ROBO2: variants seen among roughly 807,000 people sequenced by gnomAD.
ROBO2 encodes roundabout homolog 2.
Under a neutral mutation model 160.8 loss-of-function variants are expected in ROBO2, and 53 were observed. That is an observed-to-expected ratio of 0.33 (90% CI 0.26 to 0.41). ROBO2 has a LOEUF of 0.41. Among genes scored for constraint, ROBO2 ranks in the 10% least tolerant of loss-of-function variants. ROBO2 has a pLI of 1.00. For missense variants in ROBO2, 1,577 were observed against 1,722.4 expected, an observed-to-expected ratio of 0.92 and a Z score of 1.49; for synonymous variants, 664 against 611.7, an observed-to-expected ratio of 1.09 and a Z score of -1.26.
chr3:76,245,259 G>A (rs1008208423), intron 2 of ROBO2, among the ~76,000 whole-genome samples: 2 of 152,260 alleles, frequency 1.3e-5, no homozygotes, highest in South Asian at 2.1e-4. Context: ...TGGGAAGGTC[G>A]GCCAGAGCTT....
intron 2 of ROBO2, among the ~76,000 whole-genome samples, chr3:76,927,732 G>A (rs2077072940): frequency 6.6e-6 from 1 of 152,082 alleles, no homozygotes. Flanking sequence ...TTATTATTAG[G>A]TTGTGAAATT....
chr3:76,493,337 T>TTATATATATATATA (rs57835432), intron 2 of ROBO2, among the ~76,000 whole-genome samples: 2,225 of 104,504 alleles, frequency 0.021, 57 homozygotes, highest in East Asian at 0.058. Context: ...AGACAAAAAA[T>TTATATATATATATA]TATATATATA....
At chr3:77,193,401 C>T (rs1418692886) in intron 2 of ROBO2, among the ~76,000 whole-genome samples, 3 of 151,860 alleles carry the variant, frequency 2.0e-5, no homozygotes, top group Non-Finnish European at 4.4e-5. Flanking sequence ...CTACCTCAGC[C>T]TCCTGAGTAG....
At chr3:76,011,216 C>G (rs1368410530) in intron 2 of ROBO2, among the ~76,000 whole-genome samples, 2 of 152,078 alleles carry the variant, frequency 1.3e-5, no homozygotes. Flanking sequence ...TTGAGTCTGA[C>G]AAAGGAAGCT....
chr3:76,317,156 T>A (rs2072103594), intron 2 of ROBO2, among the ~76,000 whole-genome samples: 1 of 152,246 alleles, frequency 6.6e-6, no homozygotes, highest in Admixed American at 6.5e-5. Flanking sequence ...CTTTGATTAA[T>A]CTTTGTTAAC....
chr3:76,506,792 G>T (rs78609372), intron 2 of ROBO2, among the ~76,000 whole-genome samples: 2 of 152,020 alleles, frequency 1.3e-5, no homozygotes, highest in African/African-American at 2.4e-5. Flanking sequence ...GTTCAAGGAG[G>T]AGTGATCCCT....
intron 2 of ROBO2, among the ~76,000 whole-genome samples, chr3:76,912,074 A>C (rs1386717705): frequency 6.6e-6 from 1 of 152,344 alleles, no homozygotes; most frequent in Admixed American, 6.5e-5. Flanking sequence ...CTAAAAGCCT[A>C]ATAAATAAGA....
At chr3:75,925,039 G>A (rs1947231858) in intron 1 of ROBO2, among the ~76,000 whole-genome samples, 1 of 151,804 alleles carries the variant, frequency 6.6e-6, no homozygotes. Flanking sequence ...GAGAAACATC[G>A]AGTAATTAAG....
chr3:75,928,213 T>C (rs1416729824), intron 1 of ROBO2, among the ~76,000 whole-genome samples: 1 of 151,116 alleles, frequency 6.6e-6, no homozygotes, highest in Non-Finnish European at 1.5e-5. Context: ...CTCTATCTCC[T>C]GACCTCGTGA....
chr3:76,003,245 A>G (rs1348776526), intron 2 of ROBO2, among the ~76,000 whole-genome samples: 1 of 152,176 alleles, frequency 6.6e-6, no homozygotes, highest in African/African-American at 2.4e-5. Context: ...AATAAATACC[A>G]GTGGACATAA....
intron 2 of ROBO2, among the ~76,000 whole-genome samples, chr3:76,356,899 A>G (rs774635531): frequency 6.6e-6 from 1 of 151,946 alleles, no homozygotes. Flanking sequence ...ATTGAAACAT[A>G]CAGAATCTAT....
chr3:77,486,719 G>A (rs545039539), intron 4 of ROBO2, among the ~76,000 whole-genome samples: 16 of 152,044 alleles, frequency 1.1e-4, no homozygotes, highest in Admixed American at 3.3e-4. Flanking sequence ...TAGGTTGTCC[G>A]TTCACTCTGA....
chr3:76,487,377 G>T (rs755910598), intron 2 of ROBO2, among the ~76,000 whole-genome samples: 5 of 151,912 alleles, frequency 3.3e-5, no homozygotes, highest in African/African-American at 1.2e-4. Context: ...GGATAAAAAC[G>T]TATGTAAAAA....
At chr3:76,610,704 T>C (rs2088036826) in intron 2 of ROBO2, among the ~76,000 whole-genome samples, 1 of 151,390 alleles carries the variant, frequency 6.6e-6, no homozygotes, top group Non-Finnish European at 1.5e-5. Flanking sequence ...AGCAGGAGCA[T>C]GTCACAGCTC....
chr3:77,413,061 A>G (rs56955384), intron 2 of ROBO2, among the ~76,000 whole-genome samples: 21,216 of 152,138 alleles, frequency 0.14, 1,811 homozygotes, highest in African/African-American at 0.23. Context: ...AATAAAAATA[A>G]TAAAAATATC....
chr3:77,124,358 G>A (rs1014304984), intron 2 of ROBO2, among the ~76,000 whole-genome samples: 1 of 152,120 alleles, frequency 6.6e-6, no homozygotes, highest in African/African-American at 2.4e-5. Context: ...AGCCGGGAAA[G>A]AGTAGCGTTT....
chr3:76,712,288 G>A (rs1169483167), intron 2 of ROBO2, among the ~76,000 whole-genome samples: 2 of 142,670 alleles, frequency 1.4e-5, no homozygotes, highest in African/African-American at 5.0e-5. Context: ...CTTTTTACCA[G>A]GTGTGTTTTA....
intron 2 of ROBO2, among the ~76,000 whole-genome samples, chr3:76,035,101 CAT>C (rs1576575970): frequency 6.6e-6 from 1 of 151,846 alleles, no homozygotes; most frequent in Non-Finnish European, 1.5e-5. Flanking sequence ...TCTAGACCTT[CAT>C]ATGTTTTATC....
intron 2 of ROBO2, among the ~76,000 whole-genome samples, chr3:76,049,401 A>ATTTTTTTTTTTTTTTTTTTTT (rs1306305555): frequency 3.1e-5 from 2 of 63,738 alleles, no homozygotes; most frequent in Admixed American, 1.9e-4. Context: ...ATATATATAT[A>ATTTTTTTTTTTTTTTTTTTTT]TATTTTTTTT....
Sources: gnomAD v4.1 joint callset for allele counts (sites outside exome capture counted in the v4.1 genomes callset) on GRCh38, gnomAD v4.1.1 for gene constraint, MANE v1.5 for transcripts, NCBI Gene and HGNC (gene_info 2026-07-23, HGNC 2026-07-21) for gene names.